QKI: variants seen among roughly 807,000 people sequenced by gnomAD.
QKI encodes QKI, KH domain containing RNA binding.
In QKI, 10 loss-of-function variants were observed where a neutral mutation model predicts 39.0. The observed-to-expected ratio is 0.26, with a 90% CI of 0.16 to 0.43. The LOEUF (loss-of-function observed/expected upper bound fraction) is 0.43, where lower values mean the gene tolerates loss of function less well. QKI is among the 20% of genes least tolerant of loss of function. The pLI is 1.00. For missense variants in QKI, 218 were observed against 428.0 expected, an observed-to-expected ratio of 0.51 and a Z score of 4.33; for synonymous variants, 204 against 155.4, an observed-to-expected ratio of 1.31 and a Z score of -2.33.
chr6:163,566,325 T>G, intron 6 of QKI: 1 of 1,193,868 alleles, frequency 8.4e-7, no homozygotes, highest in Non-Finnish European at 1.0e-6. Context: ...GATAAACTCT[T>G]GAAGTGGTCT....
rs1403441753 is a variant in QKI, at chr6:163,563,801, G to C, written c.934+82G>C. The stretch of plus-strand genomic sequence containing the variant: ...CTCAGATTTTGAAATGATTTTATCA[G>C]TTTTAGAGAGGCAAGACAAGTTTGC... On this transcript the variant is annotated intron_variant, in intron 6 of 7. Transcript: ENST00000361752. 29 of 1,523,710 alleles carry C rather than the reference G, an allele frequency of 1.9e-5. No individual in the cohort carries two copies. The Middle Eastern group carries it at 6.4e-4, about 34-fold the overall frequency. The allele number at this position is 1,523,710 out of a possible 1,614,324, so 94.4% of individuals were successfully genotyped here. A position where few individuals can be genotyped will look rare whatever the true frequency, so the allele number is the denominator to read the frequency against.
Position 163,539,001 on chromosome 6 carries a change from G to A in QKI, c.546+3876G>A, listed in dbSNP as rs543145005. On this transcript the variant is annotated intron_variant, in intron 4 of 7. Transcript: ENST00000361752. ...TATAACAGGAATTAGGTGAGAAAGT[G>A]GAACCTAGAATTATGTAGAATTAAG... Among the ~76,000 whole-genome samples the A allele has an allele frequency of 7.9e-5, 12 of 152,260 alleles. No homozygotes were observed. The East Asian group carries it at 2.3e-3, about 29-fold the overall frequency.
chr6:163,514,715 GA>G (rs1161056159), intron 3 of QKI, among the ~76,000 whole-genome samples: 1 of 152,152 alleles, frequency 6.6e-6, no homozygotes, highest in Non-Finnish European at 1.5e-5. Flanking sequence ...TTTAATAAAT[GA>G]TATTAGGATA....
intron 1 of QKI, among the ~76,000 whole-genome samples, chr6:163,451,155 G>C (rs1316381962): frequency 2.6e-5 from 4 of 152,220 alleles, no homozygotes; most frequent in Non-Finnish European, 5.9e-5. Flanking sequence ...ACAAACAGTT[G>C]TGGAATTATG....
chr6:163,477,111 G>C (rs1317412914), intron 2 of QKI, among the ~76,000 whole-genome samples: 1 of 151,050 alleles, frequency 6.6e-6, no homozygotes, highest in East Asian at 1.9e-4. Context: ...CACCTCCTGG[G>C]TTCAACTGAT....
chr6:163,563,817 A>T, intron 6 of QKI, 98 bp downstream of exon 6: 1 of 1,513,844 alleles, frequency 6.6e-7, no homozygotes, highest in Non-Finnish European at 8.8e-7. Flanking sequence ...GAGAGGCAAG[A>T]CAAGTTTGCA....
intron 2 of QKI, among the ~76,000 whole-genome samples, chr6:163,456,302 C>T (rs556563652): frequency 2.6e-5 from 4 of 151,632 alleles, no homozygotes; most frequent in Non-Finnish European, 4.4e-5. Context: ...GGTTTATTTT[C>T]TCTCTCTCTG....
chr6:163,443,799 A>G (rs1251992839), intron 1 of QKI, among the ~76,000 whole-genome samples: 2 of 152,232 alleles, frequency 1.3e-5, no homozygotes, highest in African/African-American at 4.8e-5. Context: ...TTTGAATACA[A>G]TCGAAAAGGT....
chr6:163,486,106 G>A (rs746827304), intron 3 of QKI, among the ~76,000 whole-genome samples: 8 of 152,128 alleles, frequency 5.3e-5, no homozygotes, highest in Admixed American at 3.9e-4. Flanking sequence ...TCAGACCATG[G>A]GACAACCTTG....
rs961740310 is a variant in QKI at position 163,460,583 on chromosome 6, C to T, written c.285+5162C>T. On this transcript the variant is annotated intron_variant, in intron 2 of 7. Coordinates refer to ENST00000361752, the MANE Select transcript of QKI (RefSeq NM_006775.3). ...TTAGCATAGGGTTGTTGTTTGTCAG[C>T]AGTCTTGAGAAGTTGGTGTCAAATT... is the stretch of plus-strand genomic sequence containing the variant. Among the ~76,000 whole-genome samples, 3 of 152,104 alleles carry T rather than the reference C, an allele frequency of 2.0e-5. No individual in the cohort carries two copies. In the East Asian group the frequency reaches 5.8e-4, roughly 29 times the overall value.
intron 2 of QKI, among the ~76,000 whole-genome samples, chr6:163,460,920 C>T (rs1791305331): frequency 6.6e-6 from 1 of 152,148 alleles, no homozygotes; most frequent in East Asian, 1.9e-4. Flanking sequence ...ATCTACACAT[C>T]TGTCTTTGAT....
chr6:163,517,133 T>C (rs1779880301), intron 3 of QKI, among the ~76,000 whole-genome samples: 1 of 149,394 alleles, frequency 6.7e-6, no homozygotes, highest in African/African-American at 2.6e-5. Flanking sequence ...GTCTCCCTTA[T>C]TATGAGGAAT....
intron 3 of QKI, among the ~76,000 whole-genome samples, chr6:163,528,531 A>G (rs1408145204): frequency 1.3e-5 from 2 of 152,184 alleles, no homozygotes; most frequent in African/African-American, 4.8e-5. Context: ...AGGTTCATGT[A>G]ACTTATGAGG....
intron 3 of QKI, among the ~76,000 whole-genome samples, chr6:163,492,863 A>G (rs1778148842): frequency 6.6e-6 from 1 of 152,202 alleles, no homozygotes; most frequent in Admixed American, 6.5e-5. Flanking sequence ...TTTAAGATTT[A>G]AGACGAGTAA....
At chr6:163,525,430 C>T (rs1780442263) in intron 3 of QKI, among the ~76,000 whole-genome samples, 1 of 151,966 alleles carries the variant, frequency 6.6e-6, no homozygotes, top group African/African-American at 2.4e-5. Context: ...ACAGTCTTGC[C>T]TCACTGCAGC....
chr6:163,536,475 C>A (rs11965709), intron 4 of QKI, among the ~76,000 whole-genome samples: 4,229 of 152,190 alleles, frequency 0.028, 191 homozygotes, highest in African/African-American at 0.096. Context: ...GTGGGCTATT[C>A]GTCACATTTT....
At chr6:163,545,047 C>G (rs1781782808) in intron 4 of QKI, among the ~76,000 whole-genome samples, 1 of 151,978 alleles carries the variant, frequency 6.6e-6, no homozygotes, top group Non-Finnish European at 1.5e-5. Flanking sequence ...ATACAAAGAC[C>G]CATGTAGTCC....
At chr6:163,485,049 C>A (rs1391619426) in intron 3 of QKI, among the ~76,000 whole-genome samples, 1 of 152,094 alleles carries the variant, frequency 6.6e-6, no homozygotes, top group Non-Finnish European at 1.5e-5. Context: ...GAAACAAAGA[C>A]CAAATATATT....
At chr6:163,472,455 G>A (rs1410903934) in intron 2 of QKI, among the ~76,000 whole-genome samples, 2 of 152,084 alleles carry the variant, frequency 1.3e-5, no homozygotes, top group African/African-American at 4.8e-5. Context: ...GTGGAAAAAT[G>A]TTCTGTAAGT....
Sources: gnomAD v4.1 joint callset for allele counts (sites outside exome capture counted in the v4.1 genomes callset) on GRCh38, gnomAD v4.1.1 for gene constraint, MANE v1.5 for transcripts, NCBI Gene and HGNC (gene_info 2026-07-23, HGNC 2026-07-21) for gene names.